The following CAMTA1 variants were observed in gnomAD, a reference collection of about 807,000 sequenced individuals.
The protein encoded by CAMTA1 is calmodulin-binding transcription activator 1.
Under a neutral mutation model 170.9 loss-of-function variants are expected in CAMTA1, and 27 were observed. The observed-to-expected ratio is 0.16, with a 90% CI of 0.12 to 0.22. The LOEUF (loss-of-function observed/expected upper bound fraction) is 0.22, where lower values mean the gene tolerates loss of function less well. Ranked by LOEUF, CAMTA1 falls within the 10% of genes least tolerant of loss-of-function variation. The probability of loss-of-function intolerance (pLI) is 1.00; values close to 1 mark genes in which losing one functional copy is unlikely to be tolerated. For missense variants in CAMTA1, 1,619 were observed against 2,217.2 expected (o/e 0.73, Z 5.42); for synonymous variants, 833 against 891.5 (o/e 0.93, Z 1.17).
At chr1:7,540,783 G>A (rs914687865) in intron 6 of CAMTA1, among the ~76,000 whole-genome samples, 4 of 152,176 alleles carry the variant, frequency 2.6e-5, no homozygotes, top group Admixed American at 6.5e-5. Context: ...AAAAAAAAAG[G>A]TCAAGAAAAC....
At chr1:7,492,844 C>CTT (rs2093739885) in intron 6 of CAMTA1, among the ~76,000 whole-genome samples, 1 of 126,890 alleles carries the variant, frequency 7.9e-6, no homozygotes, top group Non-Finnish European at 1.8e-5. Flanking sequence ...AACACGCACA[C>CTT]GCACAAACAC....
intron 4 of CAMTA1, among the ~76,000 whole-genome samples, chr1:7,130,109 T>G (rs956901891): frequency 2.6e-5 from 4 of 152,130 alleles, no homozygotes; most frequent in African/African-American, 9.7e-5. Flanking sequence ...TGGCTAATTT[T>G]TGTATTTTTA....
chr1:7,219,915 C>T (rs1157521297), intron 4 of CAMTA1, among the ~76,000 whole-genome samples: 2 of 152,154 alleles, frequency 1.3e-5, no homozygotes, highest in Non-Finnish European at 1.5e-5. Context: ...GAGCTCTCTC[C>T]CTGCTTTGTG....
intron 5 of CAMTA1, among the ~76,000 whole-genome samples, chr1:7,322,250 C>A (rs548816930): frequency 6.6e-6 from 1 of 152,198 alleles, no homozygotes; most frequent in Non-Finnish European, 1.5e-5. Context: ...TGGGCTTTGT[C>A]GGCCCCACAA....
chr1:7,743,532 T>A (rs1214912602), intron 16 of CAMTA1, among the ~76,000 whole-genome samples: 1 of 152,068 alleles, frequency 6.6e-6, no homozygotes, highest in Admixed American at 6.5e-5. Flanking sequence ...TCCCCAGAGG[T>A]TTGCTTTTTC....
intron 6 of CAMTA1, among the ~76,000 whole-genome samples, chr1:7,471,268 A>G (rs2093325371): frequency 6.6e-6 from 1 of 152,216 alleles, no homozygotes; most frequent in African/African-American, 2.4e-5. Flanking sequence ...ATATTCTATT[A>G]GGCTATGAGC....
At chr1:7,521,730 G>A (rs1157666099) in intron 6 of CAMTA1, among the ~76,000 whole-genome samples, 2 of 152,114 alleles carry the variant, frequency 1.3e-5, no homozygotes, top group African/African-American at 4.8e-5. Context: ...TGTATTTTTA[G>A]TAGAGACGGA....
At chr1:7,622,121 G>T (rs1017868148) in intron 6 of CAMTA1, among the ~76,000 whole-genome samples, 2 of 152,170 alleles carry the variant, frequency 1.3e-5, no homozygotes, top group Non-Finnish European at 2.9e-5. Context: ...AGCGGAGATT[G>T]GTTTTGCTCG....
At chr1:7,095,764 C>T (rs1349294546) in intron 4 of CAMTA1, among the ~76,000 whole-genome samples, 1 of 152,212 alleles carries the variant, frequency 6.6e-6, no homozygotes, top group Non-Finnish European at 1.5e-5. Flanking sequence ...TGGAGTTAGC[C>T]CCCCAGTCAC....
chr1:7,494,812 T>A (rs546291077), intron 6 of CAMTA1, among the ~76,000 whole-genome samples: 6 of 151,562 alleles, frequency 4.0e-5, no homozygotes, highest in Non-Finnish European at 8.8e-5. Context: ...TCAAAAAAAA[T>A]AATAAAAAAT....
At chr1:7,503,281 G>A (rs1231166603) in intron 6 of CAMTA1, among the ~76,000 whole-genome samples, 8 of 152,186 alleles carry the variant, frequency 5.3e-5, no homozygotes, top group Non-Finnish European at 1.0e-4. Context: ...GGGCCCTCCC[G>A]CCTGGGTTTT....
chr1:6,828,876 T>G (rs1648415461), intron 3 of CAMTA1, among the ~76,000 whole-genome samples: 3 of 151,446 alleles, frequency 2.0e-5, no homozygotes, highest in Non-Finnish European at 4.4e-5. Flanking sequence ...ACAGCAAGTC[T>G]ATTCTGTAAC....
At chr1:7,304,165 G>A (rs561862607) in intron 5 of CAMTA1, among the ~76,000 whole-genome samples, 3 of 152,284 alleles carry the variant, frequency 2.0e-5, no homozygotes, top group African/African-American at 4.8e-5. Context: ...ACAACAATGC[G>A]AACGTCCTCA....
At chr1:6,976,179 C>G (rs566523470) in intron 3 of CAMTA1, among the ~76,000 whole-genome samples, 1 of 152,338 alleles carries the variant, frequency 6.6e-6, no homozygotes, top group East Asian at 1.9e-4. Flanking sequence ...GAGGCAGAGG[C>G]CCCGCTGAGT....
chr1:7,156,082 T>C (rs1646863573), intron 4 of CAMTA1, among the ~76,000 whole-genome samples: 1 of 151,322 alleles, frequency 6.6e-6, no homozygotes, highest in Non-Finnish European at 1.5e-5. Context: ...GAGACATGTT[T>C]AATAGAGACA....
intron 3 of CAMTA1, among the ~76,000 whole-genome samples, chr1:6,883,734 G>A (rs1672297538): frequency 6.6e-6 from 1 of 152,052 alleles, no homozygotes; most frequent in Non-Finnish European, 1.5e-5. Context: ...TCATGGAGGG[G>A]TCAGTTTTGG....
intron 4 of CAMTA1, among the ~76,000 whole-genome samples, chr1:7,220,002 A>G (rs1660456066): frequency 6.6e-6 from 1 of 152,208 alleles, no homozygotes; most frequent in Non-Finnish European, 1.5e-5. Context: ...TGGCATCTTG[A>G]TCTCAGACTT....
intron 5 of CAMTA1, among the ~76,000 whole-genome samples, chr1:7,358,446 ATGTAG>A (rs1557583966): frequency 6.6e-6 from 1 of 152,022 alleles, no homozygotes; most frequent in Non-Finnish European, 1.5e-5. Context: ...TTTTTTATTG[ATGTAG>A]TCACGCTTAG....
Position 7,609,907 on chromosome 1 carries a change from G to A in CAMTA1, c.511-30493G>A, listed in dbSNP as rs1056414517. Among the ~76,000 whole-genome samples, 1 of 152,142 alleles carries A rather than the reference G, an allele frequency of 6.6e-6. No homozygotes were observed. The highest frequency in any genetic ancestry group is 1.5e-5 in the Non-Finnish European group (1 of 68,028). On this transcript the variant is annotated intron_variant, in intron 6 of 22. Coordinates refer to ENST00000303635, the MANE Select transcript of CAMTA1 (RefSeq NM_015215.4). The surrounding 1 kb of genome is among the most constrained non-coding windows in gnomAD (Gnocchi z 4.4). ...TACTGCTCTTACTTCACCTCTCCTGGTCTTCATTCTCTTATTTGTGAAATG... is the reference window on the plus strand; with the variant it reads ...TACTGCTCTTACTTCACCTCTCCTGATCTTCATTCTCTTATTTGTGAAATG...
Sources: gnomAD v4.1 joint callset for allele counts (sites outside exome capture counted in the v4.1 genomes callset) on GRCh38, gnomAD v4.1.1 for gene constraint, Gnocchi (gnomAD v3.1) non-coding constraint, MANE v1.5 for transcripts, NCBI Gene and HGNC (gene_info 2026-07-23, HGNC 2026-07-21) for gene names.